Variants in NLGN1 observed in about 807,000 individuals in gnomAD.
The protein encoded by NLGN1 is neuroligin 1, also known as neuroligin-1.
Under a neutral mutation model 65.5 loss-of-function variants are expected in NLGN1, and 12 were observed. That is an observed-to-expected ratio of 0.18 (90% CI 0.12 to 0.30). The LOEUF is 0.30. Among genes scored for constraint, NLGN1 ranks in the 10% least tolerant of loss-of-function variants. The pLI, the probability that NLGN1 is intolerant of heterozygous loss-of-function variation, is 1.00. For missense variants in NLGN1, 750 were observed against 1,007.1 expected (o/e 0.74, Z 3.46); for synonymous variants, 350 against 359.5 (o/e 0.97, Z 0.30).
chr3:173,546,875 C>T (rs774972263), intron 2 of NLGN1, among the ~76,000 whole-genome samples: 29 of 152,208 alleles, frequency 1.9e-4, no homozygotes, highest in Non-Finnish European at 3.2e-4. Flanking sequence ...ATGAGAAATA[C>T]TATTTCCTTG....
intron 4 of NLGN1, among the ~76,000 whole-genome samples, chr3:173,988,752 T>C (rs1241133535): frequency 6.6e-6 from 1 of 152,134 alleles, no homozygotes; most frequent in Non-Finnish European, 1.5e-5. Flanking sequence ...CAAATATTTT[T>C]TATCTAGTAC....
At chr3:173,501,925 C>T (rs940813090) in intron 2 of NLGN1, among the ~76,000 whole-genome samples, 1 of 152,062 alleles carries the variant, frequency 6.6e-6, no homozygotes, top group Admixed American at 6.6e-5. Context: ...TACCTTGGTA[C>T]AGTCATGGTC....
chr3:173,580,501 C>A (rs769771354), intron 2 of NLGN1, among the ~76,000 whole-genome samples: 1 of 151,864 alleles, frequency 6.6e-6, no homozygotes, highest in African/African-American at 2.4e-5. Flanking sequence ...AGAATTTATT[C>A]TCTTCATATA....
intron 2 of NLGN1, among the ~76,000 whole-genome samples, chr3:173,581,755 A>G (rs990631524): frequency 6.6e-6 from 1 of 151,976 alleles, no homozygotes; most frequent in African/African-American, 2.4e-5. Flanking sequence ...TTCAGACTTA[A>G]TTAGAAAATT....
chr3:174,260,432 C>A (rs904637380), intron 4 of NLGN1, among the ~76,000 whole-genome samples: 9 of 151,858 alleles, frequency 5.9e-5, no homozygotes, highest in Non-Finnish European at 7.4e-5. Flanking sequence ...TCTCTGATGG[C>A]CAGTGACGAT....
At chr3:173,462,681 A>G (rs1398130375) in intron 2 of NLGN1, among the ~76,000 whole-genome samples, 5 of 152,096 alleles carry the variant, frequency 3.3e-5, no homozygotes, top group African/African-American at 1.2e-4. Flanking sequence ...CAGTGCAACA[A>G]TCTTCTATTG....
rs1426628393 is a variant in NLGN1, at chr3:174,279,525, G to C, written c.1524G>C (p.Glu508Asp). The change falls in exon 6 of 7, where the codon GAG (glutamate) becomes GAC (aspartate). Residue 508 changes from glutamate to aspartate, a missense_variant. Transcript: ENST00000457714. The surrounding 1 kb of genome is among the most constrained non-coding windows in gnomAD (Gnocchi z 4.7). The stretch of plus-strand genomic sequence containing the variant: ...GGGCTGATGCAGCCCACGGAGACGA[G>C]GTTCCCTATGTACTGGGAATCCCCA... 6.2e-7 allele frequency: 1 copy of C among 1,613,128 alleles called. No individual in the cohort carries two copies. The highest frequency in any genetic ancestry group is 8.5e-7 in the Non-Finnish European group (1 of 1,179,514).
intron 4 of NLGN1, among the ~76,000 whole-genome samples, chr3:174,231,149 G>T (rs1025830628): frequency 6.6e-6 from 1 of 152,082 alleles, no homozygotes; most frequent in Non-Finnish European, 1.5e-5. Flanking sequence ...CTCTTTCACC[G>T]TCATAATTTT....
At chr3:174,127,281 T>C (rs7619930) in intron 4 of NLGN1, among the ~76,000 whole-genome samples, 42,252 of 151,928 alleles carry the variant, frequency 0.28, 7,948 homozygotes, top group African/African-American at 0.55. Flanking sequence ...TGTATTCCTC[T>C]CCTTTCAACC....
At chr3:174,264,212 T>G (rs1187612969) in intron 4 of NLGN1, among the ~76,000 whole-genome samples, 1 of 151,206 alleles carries the variant, frequency 6.6e-6, no homozygotes, top group Non-Finnish European at 1.5e-5. Flanking sequence ...CTGTATTTCC[T>G]GAATCTGAAC....
chr3:173,878,284 C>T (rs1438693170), intron 4 of NLGN1, among the ~76,000 whole-genome samples: 2 of 152,126 alleles, frequency 1.3e-5, no homozygotes, highest in African/African-American at 4.8e-5. Flanking sequence ...TTGTAATCCC[C>T]CTGCTTGGGC....
chr3:173,417,875 T>C (rs537964655), intron 1 of NLGN1, among the ~76,000 whole-genome samples: 183 of 151,934 alleles, frequency 1.2e-3, no homozygotes, highest in African/African-American at 4.2e-3. Context: ...TCCCTATTCT[T>C]CTCAGACTAA....
At chr3:173,546,467 A>T (rs982136198) in intron 2 of NLGN1, among the ~76,000 whole-genome samples, 2 of 152,186 alleles carry the variant, frequency 1.3e-5, no homozygotes, top group Non-Finnish European at 2.9e-5. Flanking sequence ...TATATTTGTT[A>T]AGTGAACAAA....
chr3:174,096,002 A>T (rs564326973), intron 4 of NLGN1, among the ~76,000 whole-genome samples: 93 of 151,124 alleles, frequency 6.2e-4, no homozygotes, highest in African/African-American at 2.1e-3. Flanking sequence ...TCCATCTAAA[A>T]AAATAAATAA....
At chr3:173,814,094 C>T (rs1718531833) in intron 4 of NLGN1, among the ~76,000 whole-genome samples, 1 of 152,238 alleles carries the variant, frequency 6.6e-6, no homozygotes, top group Non-Finnish European at 1.5e-5. Flanking sequence ...CTGAGCTGGG[C>T]CCGCAGGGTT....
intron 4 of NLGN1, among the ~76,000 whole-genome samples, chr3:174,178,153 G>T (rs191568999): frequency 2.0e-5 from 3 of 152,218 alleles, no homozygotes; most frequent in Non-Finnish European, 2.9e-5. Context: ...AAGTGGGAAG[G>T]AATGCACACT....
intron 4 of NLGN1, among the ~76,000 whole-genome samples, chr3:174,258,917 A>G (rs535499519): frequency 6.6e-6 from 1 of 152,250 alleles, no homozygotes; most frequent in East Asian, 1.9e-4. Context: ...ATTATGTTGA[A>G]GATATGGTTG....
At chr3:173,934,668 A>G (rs1744730114) in intron 4 of NLGN1, among the ~76,000 whole-genome samples, 1 of 151,956 alleles carries the variant, frequency 6.6e-6, no homozygotes, top group Non-Finnish European at 1.5e-5. Context: ...TGTAAATAAG[A>G]AGCAGTTTGT....
intron 2 of NLGN1, among the ~76,000 whole-genome samples, chr3:173,546,348 A>G (rs377318983): frequency 1.8e-4 from 27 of 152,256 alleles, no homozygotes; most frequent in Middle Eastern, 6.8e-3. Context: ...TTTTTCCCGT[A>G]CCGTGAACCA....
Sources: gnomAD v4.1 joint callset for allele counts (sites outside exome capture counted in the v4.1 genomes callset) on GRCh38, gnomAD v4.1.1 for gene constraint, Gnocchi (gnomAD v3.1) non-coding constraint, MANE v1.5 for transcripts, NCBI Gene and HGNC (gene_info 2026-07-23, HGNC 2026-07-21) for gene names.